HDAC9: variants seen among roughly 807,000 people sequenced by gnomAD.
The protein encoded by HDAC9 is MEF-2 interacting transcription repressor (MITR) protein.
In HDAC9, 41 loss-of-function variants were observed where a neutral mutation model predicts 139.4. The ratio of observed to expected loss-of-function variants is 0.29; its 90% CI spans 0.23 to 0.38. HDAC9 has a LOEUF of 0.38. Among genes scored for constraint, HDAC9 ranks in the 10% least tolerant of loss-of-function variants. HDAC9 has a pLI of 1.00. For synonymous variants in HDAC9, 517 were observed against 476.2 expected (o/e 1.09, Z -1.12); for missense variants, 1,147 against 1,297.0 (o/e 0.88, Z 1.78).
Position 18,801,274 on chromosome 7 carries a change from A to T in HDAC9, c.2322+7822A>T, listed in dbSNP as rs187901318. On this transcript the variant is annotated intron_variant, in intron 17 of 25. Transcript: ENST00000686413. ...TATTTTGTGGAAGAAATTACCTTTCATTTCTACTTTTCTAAGAATTTTCTT... is the reference window on the plus strand; with the variant it reads ...TATTTTGTGGAAGAAATTACCTTTCTTTTCTACTTTTCTAAGAATTTTCTT... 4.6e-3 allele frequency among the ~76,000 whole-genome samples: 705 copies of T among 152,096 alleles called. 6 individuals are homozygous for T. Among genetic ancestry groups the T allele is most frequent in the African/African-American group, 0.016 (676 of 41,520 alleles).
chr7:18,193,541 T>C (rs1380539257), intron 2 of HDAC9, among the ~76,000 whole-genome samples: 1 of 152,188 alleles, frequency 6.6e-6, no homozygotes, highest in Non-Finnish European at 1.5e-5. Context: ...TATAACACAA[T>C]ATGCTACTTG....
intron 2 of HDAC9, among the ~76,000 whole-genome samples, chr7:18,523,178 T>G (rs536900337): frequency 6.6e-6 from 1 of 152,346 alleles, no homozygotes; most frequent in African/African-American, 2.4e-5. Context: ...TAAGGACCTT[T>G]AATTCCATGC....
At chr7:18,990,029 C>T (rs190674220) in intron 25 of HDAC9, among the ~76,000 whole-genome samples, 16,292 of 151,868 alleles carry the variant, frequency 0.11, 937 homozygotes, top group Middle Eastern at 0.15. Context: ...GTAATTTGAT[C>T]GTCTGAAGCC....
At chr7:18,293,808 A>G (rs115456685) in intron 1 of HDAC9, among the ~76,000 whole-genome samples, 3,580 of 152,136 alleles carry the variant, frequency 0.024, 57 homozygotes, top group Middle Eastern at 0.037. Flanking sequence ...TAGTGCCTTC[A>G]TGTTTACAGA....
chr7:18,204,252 C>A (rs1247816013), intron 2 of HDAC9, among the ~76,000 whole-genome samples: 1 of 151,124 alleles, frequency 6.6e-6, no homozygotes, highest in Non-Finnish European at 1.5e-5. Context: ...TTTACTTAAT[C>A]ATTCCTATGG....
chr7:18,255,987 A>G (rs1795216613), intron 2 of HDAC9, among the ~76,000 whole-genome samples: 1 of 152,180 alleles, frequency 6.6e-6, no homozygotes, highest in Non-Finnish European at 1.5e-5. Flanking sequence ...TTGAAAGCAC[A>G]GTTTAAAAAG....
chr7:18,514,568 T>A (rs984314179), intron 2 of HDAC9, among the ~76,000 whole-genome samples: 6 of 152,242 alleles, frequency 3.9e-5, no homozygotes, highest in Admixed American at 3.9e-4. Context: ...CTTAATATAA[T>A]TAATTGCTGC....
chr7:18,449,088 A>G (rs1792559878), intron 1 of HDAC9, among the ~76,000 whole-genome samples: 1 of 152,144 alleles, frequency 6.6e-6, no homozygotes, highest in Non-Finnish European at 1.5e-5. Context: ...GTCTGAACGT[A>G]TGTATACCTT....
intron 1 of HDAC9, among the ~76,000 whole-genome samples, chr7:18,311,658 TTCTGTCTTACCTAG>T (rs974730356): frequency 1.3e-5 from 2 of 152,134 alleles, no homozygotes; most frequent in African/African-American, 4.8e-5. Context: ...TAGTACTATA[TTCTGTCTTACCTAG>T]TCAGCTCCTT....
intron 1 of HDAC9, among the ~76,000 whole-genome samples, chr7:18,381,527 G>A (rs551557807): frequency 2.2e-4 from 33 of 152,004 alleles, no homozygotes; most frequent in East Asian, 1.9e-3. Flanking sequence ...AGAAAATAGT[G>A]GCAATGATGG....
At chr7:18,719,802 G>A (rs1785007642) in intron 12 of HDAC9, among the ~76,000 whole-genome samples, 1 of 152,176 alleles carries the variant, frequency 6.6e-6, no homozygotes, top group African/African-American at 2.4e-5. Context: ...GAGGAATGGA[G>A]TTTTACTGTA....
intron 1 of HDAC9, among the ~76,000 whole-genome samples, chr7:18,113,766 T>C (rs1040462667): frequency 6.6e-6 from 1 of 152,368 alleles, no homozygotes; most frequent in Non-Finnish European, 1.5e-5. Flanking sequence ...AGTCCTTATA[T>C]TTCTCTCAGT....
rs930348738 is a variant in HDAC9 at position 18,840,648 on chromosome 7, A to G, written c.2684+4651A>G. 3.9e-5 allele frequency among the ~76,000 whole-genome samples: 6 copies of G among 152,252 alleles called. No homozygotes were observed. In the South Asian group the frequency reaches 1.0e-3, roughly 26 times the overall value. ...CATTAACTGGAATTTTTAGAAGCTTAATGTTTTTGCTATATAGTCAAAGCC... is the reference window on the plus strand; with the variant it reads ...CATTAACTGGAATTTTTAGAAGCTTGATGTTTTTGCTATATAGTCAAAGCC... On this transcript the variant is annotated intron_variant, in intron 21 of 25. Coordinates refer to ENST00000686413, the MANE Select transcript of HDAC9 (RefSeq NM_178425.4).
chr7:18,528,784 G>C (rs1262249121), intron 2 of HDAC9, among the ~76,000 whole-genome samples: 2 of 152,132 alleles, frequency 1.3e-5, no homozygotes, highest in Admixed American at 6.5e-5. Flanking sequence ...AGTTGACCAT[G>C]TTTCAACATA....
intron 2 of HDAC9, among the ~76,000 whole-genome samples, chr7:18,222,543 A>T (rs302151): frequency 0.08 from 12,159 of 152,218 alleles, 969 homozygotes; most frequent in African/African-American, 0.2. Flanking sequence ...ACAGTACTGG[A>T]CAGTATACAT....
intron 21 of HDAC9, among the ~76,000 whole-genome samples, chr7:18,852,416 T>C (rs1043252468): frequency 2.0e-5 from 3 of 152,182 alleles, no homozygotes; most frequent in Non-Finnish European, 4.4e-5. Flanking sequence ...AGACATACTA[T>C]CATTCCTATT....
Position 18,392,313 on chromosome 7 carries a change from T to TCACACA in HDAC9, c.-42+101799_-42+101800insACACAC, listed in dbSNP as rs772738821. Among the ~76,000 whole-genome samples, 582 of 111,158 alleles carry TCACACA rather than the reference T, an allele frequency of 5.2e-3. 5 individuals carry two copies. The highest frequency in any genetic ancestry group is 0.018 in the African/African-American group (540 of 29,568). 72.9% of individuals were successfully genotyped at this position (111,158 alleles called of 152,430 possible). ...CTGTCTCTCTCTCTCTCTCTCTCTC[T>TCACACA]CTCACACACACACACACACACACAC... is the stretch of plus-strand genomic sequence containing the variant. On this transcript the variant is annotated intron_variant, in intron 1 of 3. Transcript: ENST00000413509.
intron 11 of HDAC9, among the ~76,000 whole-genome samples, chr7:18,654,823 C>T (rs753099397): frequency 6.6e-6 from 1 of 152,140 alleles, no homozygotes; most frequent in Non-Finnish European, 1.5e-5. Flanking sequence ...CACACATTGA[C>T]CTCCTTCAAG....
chr7:18,784,117 G>T (rs1791485824), intron 16 of HDAC9, among the ~76,000 whole-genome samples: 1 of 98,608 alleles, frequency 1.0e-5, no homozygotes. Context: ...GTCTTTCTGG[G>T]TATTATTATT....
Sources: gnomAD v4.1 joint callset for allele counts (sites outside exome capture counted in the v4.1 genomes callset) on GRCh38, gnomAD v4.1.1 for gene constraint, MANE v1.5 for transcripts, NCBI Gene and HGNC (gene_info 2026-07-23, HGNC 2026-07-21) for gene names.